The following C8orf34 variants were observed in gnomAD, a reference collection of about 807,000 sequenced individuals.
C8orf34 encodes uncharacterized protein C8orf34.
In C8orf34, 65 loss-of-function variants were observed where a neutral mutation model predicts 68.3. The observed-to-expected ratio is 0.95, with a 90% CI of 0.78 to 1.17. C8orf34 has a LOEUF of 1.17. Among genes scored for constraint, C8orf34 ranks in the 50% most tolerant of loss-of-function variants. The pLI, the probability that C8orf34 is intolerant of heterozygous loss-of-function variation, is 0.00. For synonymous variants in C8orf34, 244 were observed against 241.2 expected (o/e 1.01, Z -0.11); for missense variants, 664 against 655.4 (o/e 1.01, Z -0.14).
At chr8:68,380,794 A>G (rs1348007174) in intron 1 of C8orf34, among the ~76,000 whole-genome samples, 1 of 152,250 alleles carries the variant, frequency 6.6e-6, no homozygotes, top group African/African-American at 2.4e-5. Flanking sequence ...GGCTTAGAAG[A>G]GCTAATATAT....
rs527283101 is a variant in C8orf34, at chr8:68,423,619, G to C, written c.328-15880G>C. 3.9e-5 allele frequency among the ~76,000 whole-genome samples: 6 copies of C among 152,120 alleles called. No homozygotes were observed. In the South Asian group the frequency reaches 1.2e-3, roughly 32 times the overall value. On this transcript the variant is annotated intron_variant, in intron 1 of 13. Transcript: ENST00000518698. ...AGTCCTCCAAACTGTTCCAACCTCTGCCTGTTACCCAATTCCAAAGTTGCT... is the reference window on the plus strand; with the variant it reads ...AGTCCTCCAAACTGTTCCAACCTCTCCCTGTTACCCAATTCCAAAGTTGCT...
chr8:68,600,493 C>T (rs975403025), intron 7 of C8orf34, among the ~76,000 whole-genome samples: 1 of 151,998 alleles, frequency 6.6e-6, no homozygotes, highest in Non-Finnish European at 1.5e-5. Flanking sequence ...TCTCTTTAGC[C>T]ATTCTGTTAG....
chr8:68,652,685 T>G (rs1413461551), intron 8 of C8orf34, among the ~76,000 whole-genome samples: 1 of 152,212 alleles, frequency 6.6e-6, no homozygotes. Flanking sequence ...CCACCTTGAA[T>G]TGTCTTGGTA....
intron 13 of C8orf34, among the ~76,000 whole-genome samples, chr8:68,817,538 AT>A (rs1824856216): frequency 1.3e-5 from 2 of 152,278 alleles, no homozygotes; most frequent in South Asian, 4.1e-4. Context: ...TAAGATGGAG[AT>A]TGAAGGTCTT....
At chr8:68,379,649 C>T (rs531728231) in intron 1 of C8orf34, among the ~76,000 whole-genome samples, 65 of 152,302 alleles carry the variant, frequency 4.3e-4, no homozygotes, top group African/African-American at 1.5e-3. Flanking sequence ...AATATTATCT[C>T]ATTCCTACAA....
chr8:68,403,001 G>C (rs1286469125), intron 1 of C8orf34, among the ~76,000 whole-genome samples: 1 of 152,180 alleles, frequency 6.6e-6, no homozygotes, highest in Non-Finnish European at 1.5e-5. Flanking sequence ...GCAGCAGGCA[G>C]GGAAACTCCT....
chr8:68,712,840 A>T (rs1397338753), intron 9 of C8orf34, among the ~76,000 whole-genome samples: 1 of 152,042 alleles, frequency 6.6e-6, no homozygotes, highest in Non-Finnish European at 1.5e-5. Context: ...ATATTTACAA[A>T]ACAGTGTACC....
chr8:68,465,403 G>A (rs1157758392), intron 3 of C8orf34, among the ~76,000 whole-genome samples: 3 of 149,138 alleles, frequency 2.0e-5, no homozygotes, highest in African/African-American at 7.5e-5. Flanking sequence ...CGATTCCTCA[G>A]GGATCTAGAA....
chr8:68,776,745 G>C (rs1405117053), intron 11 of C8orf34, among the ~76,000 whole-genome samples: 1 of 152,120 alleles, frequency 6.6e-6, no homozygotes, highest in Non-Finnish European at 1.5e-5. Context: ...AAATAAATGA[G>C]AATAACATGG....
chr8:68,383,319 T>C (rs1298364333), intron 1 of C8orf34, among the ~76,000 whole-genome samples: 2 of 152,306 alleles, frequency 1.3e-5, no homozygotes, highest in East Asian at 3.9e-4. Flanking sequence ...ATGTTAACCA[T>C]AAAACTGTGT....
At chr8:68,477,942 A>G (rs961544283) in intron 4 of C8orf34, among the ~76,000 whole-genome samples, 1 of 152,092 alleles carries the variant, frequency 6.6e-6, no homozygotes, top group Non-Finnish European at 1.5e-5. Flanking sequence ...AGCAGGGACC[A>G]TGAGCCTGGC....
intron 1 of C8orf34, among the ~76,000 whole-genome samples, chr8:68,332,361 C>T (rs1443135202): frequency 7.2e-6 from 1 of 138,676 alleles, no homozygotes; most frequent in African/African-American, 2.7e-5. Context: ...TCCCGCCTTG[C>T]CCCCGCCTTG....
chr8:68,603,029 C>G (rs1317974928), intron 7 of C8orf34, among the ~76,000 whole-genome samples: 6 of 152,016 alleles, frequency 3.9e-5, no homozygotes, highest in Non-Finnish European at 8.8e-5. Flanking sequence ...ATAAGAAAAC[C>G]CAGGGAAATC....
chr8:68,502,438 T>G (rs1455548544), intron 5 of C8orf34, among the ~76,000 whole-genome samples: 1 of 152,156 alleles, frequency 6.6e-6, no homozygotes, highest in African/African-American at 2.4e-5. Context: ...TAAGTAATCT[T>G]CCACTGGGAA....
Position 68,446,334 on chromosome 8 carries a change from A to G in C8orf34, c.481A>G (p.Lys161Glu). 1.9e-6 allele frequency: 3 copies of G among 1,589,898 alleles called. No individual in the cohort carries two copies. The highest frequency in any genetic ancestry group is 1.7e-6 in the Non-Finnish European group (2 of 1,173,486). The change falls in exon 3 of 14, where the codon AAA becomes GAA. Residue 161 changes from lysine to glutamate, a missense_variant. Coordinates refer to ENST00000518698, the MANE Select transcript of C8orf34 (RefSeq NM_052958.4). The part of the protein sequence containing the change: ...LWAESEKSES[K>E]GTRRDFRSYD... Reference sequence around the variant, plus strand: ...TATATATTTTGTTTTAACAGAATCCAAAGGAACAAGAAGGGATTTCAGAAG... The same window carrying G: ...TATATATTTTGTTTTAACAGAATCCGAAGGAACAAGAAGGGATTTCAGAAG...
intron 1 of C8orf34, among the ~76,000 whole-genome samples, chr8:68,433,399 C>T (rs536665124): frequency 5.3e-5 from 8 of 152,214 alleles, no homozygotes; most frequent in African/African-American, 1.9e-4. Context: ...CAATGCCCTG[C>T]ATATGTATTG....
chr8:68,725,099 T>C (rs778170225), intron 10 of C8orf34, among the ~76,000 whole-genome samples: 3 of 152,134 alleles, frequency 2.0e-5, no homozygotes, highest in African/African-American at 7.2e-5. Context: ...ACTCCTGGAT[T>C]CAGGCAATCC....
intron 7 of C8orf34, among the ~76,000 whole-genome samples, chr8:68,591,528 T>C (rs1817387461): frequency 6.6e-6 from 1 of 152,134 alleles, no homozygotes; most frequent in African/African-American, 2.4e-5. Flanking sequence ...TCCTGTAAAA[T>C]TGGTAGGGAG....
chr8:68,653,165 C>A (rs552468661), intron 8 of C8orf34, among the ~76,000 whole-genome samples: 1 of 152,274 alleles, frequency 6.6e-6, no homozygotes, highest in Non-Finnish European at 1.5e-5. Flanking sequence ...AAATTTAAAA[C>A]CGCAGTAAAC....
Sources: gnomAD v4.1 joint callset for allele counts (sites outside exome capture counted in the v4.1 genomes callset) on GRCh38, gnomAD v4.1.1 for gene constraint, MANE v1.5 for transcripts, NCBI Gene and HGNC (gene_info 2026-07-23, HGNC 2026-07-21) for gene names.